SPPL2A: variants seen among roughly 807,000 people sequenced by gnomAD.
SPPL2A encodes signal peptide peptidase-like 2A.
A neutral mutation model predicts 63.8 loss-of-function variants in SPPL2A; 51 were observed. The observed-to-expected ratio is 0.80, with a 90% confidence interval of 0.64 to 1.01. SPPL2A has a LOEUF of 1.01. SPPL2A is among the 50% of genes least tolerant of loss of function. The pLI, the probability that SPPL2A is intolerant of heterozygous loss-of-function variation, is 0.00. For synonymous variants in SPPL2A, 188 were observed against 205.8 expected (o/e 0.91, Z 0.74); for missense variants, 553 against 622.7 (o/e 0.89, Z 1.19).
chr15:50,739,337 C>G (rs950682162), intron 6 of SPPL2A, among the ~76,000 whole-genome samples: 3 of 151,958 alleles, frequency 2.0e-5, no homozygotes, highest in African/African-American at 7.3e-5. Flanking sequence ...TGCCACCACA[C>G]CCAGCTAATT....
chr15:50,708,705 A>AG (rs1241930959), intron 14 of SPPL2A, among the ~76,000 whole-genome samples: 1 of 150,218 alleles, frequency 6.7e-6, no homozygotes, highest in Non-Finnish European at 1.5e-5. Flanking sequence ...ACTCTGTCAA[A>AG]AAAAAAAAAA....
chr15:50,726,453 C>G (rs1468156434), intron 10 of SPPL2A, 76 bp from the exon 11 acceptor site: 1 of 1,378,906 alleles, frequency 7.3e-7, no homozygotes, highest in East Asian at 2.3e-5. Context: ...GTGATTTAAG[C>G]CCCATGGCAT....
intron 12 of SPPL2A, among the ~76,000 whole-genome samples, chr15:50,724,561 G>C (rs7167416): frequency 0.029 from 4,306 of 148,552 alleles, 75 homozygotes; most frequent in Middle Eastern, 0.1. Flanking sequence ...CTGGGCAACA[G>C]AGCAAGACTC....
At chr15:50,740,565 C>T (rs1463807090) in intron 5 of SPPL2A, among the ~76,000 whole-genome samples, 1 of 151,520 alleles carries the variant, frequency 6.6e-6, no homozygotes, top group East Asian at 1.9e-4. Context: ...ATGCTTCTTA[C>T]AAACTTACTA....
chr15:50,736,152 C>T lies in SPPL2A; in HGVS notation c.881G>A (p.Gly294Glu), dbSNP rs766974364. The part of the protein sequence containing the change: ...NMEVRLIFLS[G>E]LCIAVAVVWA... ...AACAACAGCTACTGCTATGCACAGT[C>T]CAGAGAGAAAAATAAGTCTCACTTC... The change falls in exon 8 of 15, where the codon GGA becomes GAA. Residue 294 changes from glycine to glutamate, a missense_variant. Coordinates refer to ENST00000261854, the MANE Select transcript of SPPL2A (RefSeq NM_032802.4). The T allele has an allele frequency of 6.2e-7, 1 of 1,613,286 alleles. No individual in the cohort carries two copies. Among genetic ancestry groups the T allele is most frequent in the Admixed American group, 1.7e-5 (1 of 60,000 alleles).
chr15:50,706,704 A>AT lies in SPPL2A; in HGVS notation c.*1095dup, dbSNP rs1448521825. On this transcript the variant is annotated 3_prime_UTR_variant, in exon 15 of 15. Coordinates refer to ENST00000261854, the MANE Select transcript of SPPL2A (RefSeq NM_032802.4). ...AATACATAATTTCTTAAGAAAAATA[A>AT]TTTTTTTAAAAAATCAAACCTTAAC... The AT allele has an allele frequency of 1.3e-5, 2 of 152,088 alleles. No homozygotes were observed. Among genetic ancestry groups the AT allele is most frequent in the African/African-American group, 4.8e-5 (2 of 41,416 alleles). The allele number at this position is 152,088 out of a possible 1,614,324, so 9.4% of individuals were successfully genotyped here. A position where few individuals can be genotyped will look rare whatever the true frequency, so the allele number is the denominator to read the frequency against.
intron 6 of SPPL2A, among the ~76,000 whole-genome samples, chr15:50,738,106 T>A (rs576374319): frequency 2.6e-5 from 4 of 151,824 alleles, no homozygotes; most frequent in Non-Finnish European, 5.9e-5. Flanking sequence ...ATCGCTTGAA[T>A]GCGAGAGGCA....
At chr15:50,757,861 A>C (rs965584509) in intron 1 of SPPL2A, among the ~76,000 whole-genome samples, 4 of 151,522 alleles carry the variant, frequency 2.6e-5, no homozygotes, top group African/African-American at 9.7e-5. Flanking sequence ...GCAGGCGCCT[A>C]TAATCCCAGC....
rs541949875 is a variant in SPPL2A, at chr15:50,706,133, T to A, written c.*1667A>T. The A allele has an allele frequency of 1.5e-4, 23 of 152,268 alleles. No homozygotes were observed. Among genetic ancestry groups the A allele is most frequent in the African/African-American group, 5.3e-4 (22 of 41,550 alleles). The allele number at this position is 152,268 out of a possible 1,614,324, so 9.4% of individuals were successfully genotyped here. ...ATGGCCGGGCGCGGTGGCTCACGCCTGTAATCCCAGCACTTTGGGAGGCCG... is the reference window on the plus strand; with the variant it reads ...ATGGCCGGGCGCGGTGGCTCACGCCAGTAATCCCAGCACTTTGGGAGGCCG... On this transcript the variant is annotated 3_prime_UTR_variant, in exon 15 of 15. Transcript: ENST00000261854.
chr15:50,745,407 T>TC (rs35420616), intron 5 of SPPL2A, among the ~76,000 whole-genome samples: 60,846 of 151,936 alleles, frequency 0.4, 12,669 homozygotes, highest in East Asian at 0.57. Flanking sequence ...TGCCTCAGCC[T>TC]CCAAAGAGCT....
At chr15:50,745,455 G>A (rs1227029462) in intron 5 of SPPL2A, among the ~76,000 whole-genome samples, 3 of 152,036 alleles carry the variant, frequency 2.0e-5, no homozygotes, top group East Asian at 1.9e-4. Context: ...CGGCTGAGAC[G>A]GGGTTTCACT....
intron 1 of SPPL2A, among the ~76,000 whole-genome samples, chr15:50,764,913 CAA>C (rs34049728): frequency 2.6e-4 from 38 of 144,476 alleles, no homozygotes; most frequent in South Asian, 6.6e-4. Context: ...ACCCCCCCTC[CAA>C]AAAAAAAAAA....
At chr15:50,730,592 G>T (rs2062722499) in intron 10 of SPPL2A, among the ~76,000 whole-genome samples, 1 of 152,158 alleles carries the variant, frequency 6.6e-6, no homozygotes, top group African/African-American at 2.4e-5. Context: ...AGGTTACAGA[G>T]CTACATTCTA....
chr15:50,749,581 C>T (rs528514769), intron 2 of SPPL2A, 55 bp downstream of exon 2: 30 of 1,199,280 alleles, frequency 2.5e-5, no homozygotes, highest in Admixed American at 1.2e-4. Context: ...CCACCGTGCC[C>T]AGCCTCCTTC....
intron 10 of SPPL2A, among the ~76,000 whole-genome samples, chr15:50,728,817 A>T (rs1247052680): frequency 8.1e-5 from 11 of 136,074 alleles, no homozygotes; most frequent in Non-Finnish European, 1.6e-4. Flanking sequence ...TGATTATTGT[A>T]TTTTTTTTTT....
chr15:50,765,352 G>A, intron 1 of SPPL2A, 116 bp downstream of exon 1: 3 of 673,402 alleles, frequency 4.5e-6, no homozygotes, highest in Non-Finnish European at 7.0e-6. Flanking sequence ...GCGAGAGCAG[G>A]CCGCGGAGGT....
At chr15:50,754,458 T>C (rs1050159328) in intron 1 of SPPL2A, among the ~76,000 whole-genome samples, 4 of 152,216 alleles carry the variant, frequency 2.6e-5, no homozygotes, top group African/African-American at 9.6e-5. Context: ...GTTATAAAAT[T>C]GGCTGTGGTG....
intron 10 of SPPL2A, among the ~76,000 whole-genome samples, chr15:50,728,817 A>ATT (rs534318500): frequency 1.3e-3 from 183 of 136,062 alleles, no homozygotes; most frequent in East Asian, 7.2e-3. Context: ...TGATTATTGT[A>ATT]TTTTTTTTTT....
chr15:50,713,748 T>G (rs1444655879), intron 14 of SPPL2A, among the ~76,000 whole-genome samples: 8 of 152,054 alleles, frequency 5.3e-5, no homozygotes, highest in Non-Finnish European at 7.4e-5. Flanking sequence ...GAAGCAGATT[T>G]AACAAAAACC....
Sources: allele counts gnomAD v4.1 joint callset (sites outside exome capture counted in the v4.1 genomes callset), GRCh38; gene constraint gnomAD v4.1.1; transcripts MANE v1.5; gene names NCBI Gene and HGNC (gene_info 2026-07-23, HGNC 2026-07-21).